CSMD3: variants seen among roughly 807,000 people sequenced by gnomAD.
The protein encoded by CSMD3 is CUB and sushi domain-containing protein 3.
CSMD3 carries 177 observed loss-of-function variants against 435.2 expected under a neutral mutation model. The ratio of observed to expected loss-of-function variants is 0.41; its 90% CI spans 0.36 to 0.46. The LOEUF (loss-of-function observed/expected upper bound fraction) is 0.46, where lower values mean the gene tolerates loss of function less well. Among genes scored for constraint, CSMD3 ranks in the 20% least tolerant of loss-of-function variants. The pLI, the probability that CSMD3 is intolerant of heterozygous loss-of-function variation, is 0.34. For synonymous variants in CSMD3, 1,656 were observed against 1,520.5 expected, an observed-to-expected ratio of 1.09 and a Z score of -2.07; for missense variants, 4,265 against 4,504.6, an observed-to-expected ratio of 0.95 and a Z score of 1.52.
chr8:113,377,254 G>C, intron 1 of CSMD3: 2 of 428,528 alleles, frequency 4.7e-6, no homozygotes, highest in Non-Finnish European at 6.9e-6. Flanking sequence ...ACAAACCGTG[G>C]AGCCTACCCT....
chr8:112,859,511 A>T (rs2080763720), intron 10 of CSMD3, among the ~76,000 whole-genome samples: 1 of 151,830 alleles, frequency 6.6e-6, no homozygotes, highest in African/African-American at 2.4e-5. Context: ...AGGGCATGAT[A>T]AATGCTTCTC....
At chr8:113,110,424 CT>C (rs2090604217) in intron 4 of CSMD3, among the ~76,000 whole-genome samples, 1 of 152,182 alleles carries the variant, frequency 6.6e-6, no homozygotes, top group Non-Finnish European at 1.5e-5. Context: ...GAACTTCTAT[CT>C]TTCATAAAAC....
chr8:112,500,746 T>C (rs963704807), intron 30 of CSMD3, among the ~76,000 whole-genome samples: 1 of 152,150 alleles, frequency 6.6e-6, no homozygotes, highest in East Asian at 1.9e-4. Context: ...AGCCAGAAGC[T>C]TGCACAGGTG....
intron 22 of CSMD3, among the ~76,000 whole-genome samples, chr8:112,609,924 A>C (rs1833125655): frequency 6.6e-6 from 1 of 152,140 alleles, no homozygotes; most frequent in Admixed American, 6.5e-5. Context: ...CAGACACACA[A>C]AGACAAATGC....
intron 31 of CSMD3, among the ~76,000 whole-genome samples, chr8:112,492,182 C>T (rs894284210): frequency 1.3e-5 from 2 of 151,970 alleles, no homozygotes; most frequent in Non-Finnish European, 2.9e-5. Context: ...TTCTGAGCAC[C>T]TAACGTTTTC....
At chr8:113,070,624 C>A (rs938615588) in intron 5 of CSMD3, among the ~76,000 whole-genome samples, 1 of 151,882 alleles carries the variant, frequency 6.6e-6, no homozygotes, top group South Asian at 2.1e-4. Flanking sequence ...CACCTCTGAA[C>A]CCCGGCAACC....
At chr8:113,369,397 T>C (rs368295941) in intron 1 of CSMD3, among the ~76,000 whole-genome samples, 1 of 151,920 alleles carries the variant, frequency 6.6e-6, no homozygotes, top group Non-Finnish European at 1.5e-5. Flanking sequence ...ATAAAAAAGA[T>C]AAAAGATGAT....
intron 13 of CSMD3, among the ~76,000 whole-genome samples, chr8:112,723,393 C>A (rs533849719): frequency 1.3e-5 from 2 of 152,188 alleles, no homozygotes; most frequent in East Asian, 1.9e-4. Context: ...GAAACCAGTT[C>A]TTGTGGTGAG....
chr8:113,427,257 T>C (rs190710996), intron 1 of CSMD3, among the ~76,000 whole-genome samples: 29 of 151,582 alleles, frequency 1.9e-4, no homozygotes, highest in Admixed American at 1.5e-3. Context: ...AATAAAAACA[T>C]TTTTTCTTTC....
At chr8:113,150,493 G>C (rs1324510611) in intron 4 of CSMD3, among the ~76,000 whole-genome samples, 3 of 151,924 alleles carry the variant, frequency 2.0e-5, no homozygotes, top group Non-Finnish European at 4.4e-5. Context: ...AATAATCTTG[G>C]AAGATGAAAT....
In CSMD3 at chr8:113,405,578, C is replaced by T. The variant is rs1407487703; in HGVS notation, c.178+31099G>A. ...AAAAAAGAAAACTAAGTCAGTTTCA[C>T]AGGAAGCATCACATGAAAGTTTACC... is the stretch of plus-strand genomic sequence containing the variant. On this transcript the variant is annotated intron_variant, in intron 1 of 70. Transcript: ENST00000297405. Among the ~76,000 whole-genome samples the T allele has an allele frequency of 2.6e-5, 4 of 151,542 alleles. No individual in the cohort carries two copies. In the East Asian group the frequency reaches 7.7e-4, roughly 29 times the overall value.
intron 13 of CSMD3, among the ~76,000 whole-genome samples, chr8:112,702,641 T>C (rs1010536471): frequency 2.0e-5 from 3 of 152,076 alleles, no homozygotes; most frequent in Non-Finnish European, 4.4e-5. Flanking sequence ...CAGGACCCTA[T>C]GCTCTCAGGC....
chr8:113,376,781 G>T (rs941693073), intron 1 of CSMD3: 61 of 1,613,716 alleles, frequency 3.8e-5, no homozygotes, highest in Non-Finnish European at 5.0e-5. Context: ...TCCAGCAAAG[G>T]AACCAACTCC....
chr8:112,676,428 T>C (rs981803635), intron 16 of CSMD3, among the ~76,000 whole-genome samples: 3 of 152,034 alleles, frequency 2.0e-5, no homozygotes, highest in Non-Finnish European at 4.4e-5. Context: ...TAAAATAAAA[T>C]TTAATAACAT....
chr8:112,441,171 G>T (rs1814969944), intron 32 of CSMD3, among the ~76,000 whole-genome samples: 1 of 152,062 alleles, frequency 6.6e-6, no homozygotes, highest in Admixed American at 6.6e-5. Context: ...CAAGTTCAAA[G>T]TTCCACAGAT....
At chr8:112,585,208 A>C (rs994577446) in intron 23 of CSMD3, among the ~76,000 whole-genome samples, 10 of 151,596 alleles carry the variant, frequency 6.6e-5, no homozygotes, top group African/African-American at 2.4e-4. Context: ...ATCTCAGGCA[A>C]GCCTATGAAT....
chr8:113,004,200 T>C (rs565663474), intron 6 of CSMD3, among the ~76,000 whole-genome samples: 1 of 151,904 alleles, frequency 6.6e-6, no homozygotes, highest in African/African-American at 2.4e-5. Context: ...AATCCTCTTG[T>C]AGGAAAAAAA....
intron 22 of CSMD3, among the ~76,000 whole-genome samples, chr8:112,613,770 CCT>C (rs1317310556): frequency 1.3e-5 from 2 of 152,054 alleles, no homozygotes; most frequent in African/African-American, 2.4e-5. Context: ...ATAATAACTG[CCT>C]TTTTCATGAT....
At chr8:112,281,596 T>C (rs1818649101) in intron 58 of CSMD3, among the ~76,000 whole-genome samples, 1 of 152,168 alleles carries the variant, frequency 6.6e-6, no homozygotes, top group South Asian at 2.1e-4. Flanking sequence ...GTAAAAACTC[T>C]ACAGAGTAAA....
Sources: allele counts gnomAD v4.1 joint callset (sites outside exome capture counted in the v4.1 genomes callset), GRCh38; gene constraint gnomAD v4.1.1; transcripts MANE v1.5; gene names NCBI Gene and HGNC (gene_info 2026-07-23, HGNC 2026-07-21).